Variants in RBM28 observed in about 807,000 individuals in gnomAD.
The protein encoded by RBM28 is RNA-binding protein 28.
RBM28 carries 78 observed loss-of-function variants against 98.3 expected under a neutral mutation model. The observed-to-expected ratio is 0.79, with a 90% CI of 0.66 to 0.96. RBM28 has a LOEUF of 0.96. RBM28 is among the 40% of genes least tolerant of loss of function. The probability of loss-of-function intolerance (pLI) is 0.00; values close to 1 mark genes in which losing one functional copy is unlikely to be tolerated. For synonymous variants in RBM28, 306 were observed against 330.9 expected (o/e 0.92, Z 0.82); for missense variants, 838 against 913.0 (o/e 0.92, Z 1.06).
intron 16 of RBM28, 149 bp from the exon 17 acceptor site, chr7:128,315,169 T>C: frequency 1.7e-6 from 2 of 1,193,164 alleles, no homozygotes; most frequent in African/African-American, 1.5e-5. Context: ...TGAATACATG[T>C]AGATCACAAG....
At position 128,336,047 on chromosome 7, in the gene RBM28, G is replaced by A. The variant is rs1446327537; in HGVS notation, c.614-5C>T. ...ATTCATGGCTCTTTTCCTCACCTAT[G>A]GAGGGAGGTAAAGAAAGGAGGAATT... On this transcript the variant is annotated splice_polypyrimidine_tract_variant and splice_region_variant and intron_variant, in intron 6 of 18. Coordinates refer to ENST00000223073, the MANE Select transcript of RBM28 (RefSeq NM_018077.3). 6.2e-7 allele frequency: 1 copy of A among 1,605,462 alleles called. No homozygotes were observed.
rs148177819 is a variant in RBM28 at position 128,342,314 on chromosome 7, G to A, written c.118+1362C>T. On this transcript the variant is annotated intron_variant, in intron 1 of 18. Coordinates refer to ENST00000223073, the MANE Select transcript of RBM28 (RefSeq NM_018077.3). The stretch of plus-strand genomic sequence containing the variant: ...TGTCCTATTCTCCAACAGTCTATTG[G>A]CAACACACCAGCCAGAGAGAGAATC... 3.5e-3 allele frequency among the ~76,000 whole-genome samples: 533 copies of A among 152,196 alleles called. 4 individuals are homozygous for A. Among genetic ancestry groups the A allele is most frequent in the African/African-American group, 9.3e-3 (384 of 41,510 alleles).
chr7:128,317,587 G>A lies in RBM28; in HGVS notation c.1788+72C>T, dbSNP rs911371952. On this transcript the variant is annotated intron_variant, in intron 16 of 18. Transcript: ENST00000223073. Reference sequence around the variant, plus strand: ...AACTGAGGGGAGAACTACTCTAAGAGAGCAGAAGCACAAATTGAACAAAAT... The same window carrying A: ...AACTGAGGGGAGAACTACTCTAAGAAAGCAGAAGCACAAATTGAACAAAAT... The A allele has an allele frequency of 6.7e-6, 8 of 1,199,486 alleles. No individual in the cohort carries two copies. In the African/African-American group the frequency reaches 1.1e-4, roughly 16 times the overall value. 74.3% of individuals were successfully genotyped at this position (1,199,486 alleles called of 1,614,324 possible). A position where few individuals can be genotyped will look rare whatever the true frequency, so the allele number is the denominator to read the frequency against.
chr7:128,299,394 A>T lies in RBM28; in HGVS notation c.*11403T>A, dbSNP rs563262970. ...TTGCTGTGTCAGAGTTTGATAAAGG[A>T]GGTGACTGGGGGTGTGGGCTCTGGA... On this transcript the variant is annotated 3_prime_UTR_variant, in exon 19 of 19. Transcript: ENST00000223073. The T allele has an allele frequency of 1.3e-4, 20 of 152,264 alleles. No homozygotes were observed. The highest frequency in any genetic ancestry group is 4.3e-4 in the African/African-American group (18 of 41,518). 9.4% of individuals were successfully genotyped at this position (152,264 alleles called of 1,614,324 possible). A position where few individuals can be genotyped will look rare whatever the true frequency, so the allele number is the denominator to read the frequency against.
intron 8 of RBM28, 50 bp from the exon 9 acceptor site, chr7:128,333,412 A>G (rs1435689998): frequency 1.4e-6 from 2 of 1,421,410 alleles, no homozygotes; most frequent in South Asian, 2.3e-5. Flanking sequence ...TGTAAGCCAC[A>G]TGACAAAGAG....
rs768990795 is a variant in RBM28 at position 128,333,289 on chromosome 7, C to T, written c.1019+1G>A. ...GCAATTCTGGAGGCAGAAAGACATA[C>T]CTGATAAAAACAGTTTTCCCTTCAT... is the stretch of plus-strand genomic sequence containing the variant. On this transcript the variant is annotated splice_donor_variant, in intron 9 of 18. Transcript: ENST00000223073. LOFTEE classifies it high-confidence loss of function. 3 of 1,585,476 alleles carry T rather than the reference C, an allele frequency of 1.9e-6. No individual in the cohort carries two copies. Among genetic ancestry groups the T allele is most frequent in the Non-Finnish European group, 2.6e-6 (3 of 1,153,984 alleles).
Position 128,324,675 on chromosome 7 carries a change from T to C in RBM28, c.1223A>G (p.Asp408Gly), listed in dbSNP as rs769715051. The C allele has an allele frequency of 6.2e-7, 1 of 1,614,142 alleles. No homozygotes were observed. Among genetic ancestry groups the C allele is most frequent in the Non-Finnish European group, 8.5e-7 (1 of 1,180,036 alleles). ...CAAGTCAACCTTGAGCTGCCGGCCATCCAGTTTAAGCCCACCAGCCTGTAA... is the reference window on the plus strand; with the variant it reads ...CAAGTCAACCTTGAGCTGCCGGCCACCCAGTTTAAGCCCACCAGCCTGTAA... ...PENEAGGLKL[D>G]GRQLKVDLAV... The change falls in exon 12 of 19, where the codon GAT becomes GGT. Residue 408 changes from aspartate to glycine, a missense_variant. Coordinates refer to ENST00000223073, the MANE Select transcript of RBM28 (RefSeq NM_018077.3).
At chr7:128,343,603 G>A (rs1384830911) in intron 1 of RBM28, 73 bp downstream of exon 1, 26 of 1,081,578 alleles carry the variant, frequency 2.4e-5, no homozygotes, top group Non-Finnish European at 3.4e-5. Context: ...GAATGATACG[G>A]CTCCCTGAAG....
chr7:128,313,390 G>T, intron 17 of RBM28, 116 bp from the exon 18 acceptor site: 1 of 1,016,388 alleles, frequency 9.8e-7, no homozygotes, highest in Non-Finnish European at 1.5e-6. Context: ...TTCTAAAAAG[G>T]GATACTGCAA....
chr7:128,312,980 A>T (rs1421139216), intron 18 of RBM28, 195 bp downstream of exon 18: 1 of 612,650 alleles, frequency 1.6e-6, no homozygotes, highest in Non-Finnish European at 2.9e-6. Context: ...GAAACACAGG[A>T]ACAGATACGT....
In RBM28 at chr7:128,310,023, T is replaced by C. The variant is rs1795946623; in HGVS notation, c.*774A>G. ...GTTTTTCAGTAGGTGTGAAGCCATC[T>C]TAAGGGGCAGACTTAATGAGGATCA... On this transcript the variant is annotated 3_prime_UTR_variant, in exon 19 of 19. Transcript: ENST00000223073. 1 of 152,234 alleles carries C rather than the reference T, an allele frequency of 6.6e-6. No individual in the cohort carries two copies. The highest frequency in any genetic ancestry group is 2.4e-5 in the African/African-American group (1 of 41,452). 9.4% of individuals were successfully genotyped at this position (152,234 alleles called of 1,614,324 possible).
intron 17 of RBM28, among the ~76,000 whole-genome samples, chr7:128,313,676 C>A (rs1219060637): frequency 6.6e-6 from 1 of 152,158 alleles, no homozygotes; most frequent in Non-Finnish European, 1.5e-5. Context: ...GAATTGTAAT[C>A]CCCAGTGTTG....
intron 13 of RBM28, among the ~76,000 whole-genome samples, chr7:128,323,001 A>G (rs912710380): frequency 4.6e-5 from 7 of 152,292 alleles, no homozygotes; most frequent in African/African-American, 1.4e-4. Flanking sequence ...TGGGAACATT[A>G]CCAAGCAGCA....
chr7:128,329,292 T>C (rs1039737255), intron 10 of RBM28, among the ~76,000 whole-genome samples: 1 of 151,872 alleles, frequency 6.6e-6, no homozygotes, highest in African/African-American at 2.4e-5. Flanking sequence ...AGAGATGGGG[T>C]TTCTCCATAT....
rs76320540 is a variant in RBM28, at chr7:128,310,296, C to T, written c.*501G>A. 0.012 allele frequency: 2,291 copies of T among 190,992 alleles called. 55 individuals carry two copies. Among genetic ancestry groups the T allele is most frequent in the African/African-American group, 0.051 (2,164 of 42,062 alleles). The allele number at this position is 190,992 out of a possible 1,614,324, so 11.8% of individuals were successfully genotyped here. On this transcript the variant is annotated 3_prime_UTR_variant, in exon 19 of 19. Transcript: ENST00000223073. ...GTTAGAAAGCATTTCTCTCTGCTCT[C>T]GCTTAGACAGTTCCTGCAGTGTGTA...
At position 128,297,756 on chromosome 7, in the gene RBM28, AC is replaced by A. The variant is rs1584622939; in HGVS notation, c.*13040del. The A allele has an allele frequency of 1.3e-5, 2 of 152,260 alleles. No homozygotes were observed. Among genetic ancestry groups the A allele is most frequent in the East Asian group, 3.9e-4 (2 of 5,184 alleles). The allele number at this position is 152,260 out of a possible 1,614,324, so 9.4% of individuals were successfully genotyped here. A position where few individuals can be genotyped will look rare whatever the true frequency, so the allele number is the denominator to read the frequency against. ...GACTTGGAACCAACCCAAATGTCCA[AC>A]AATGATAGACTGGATTAAGAAAATG... On this transcript the variant is annotated 3_prime_UTR_variant, in exon 19 of 19. Coordinates refer to ENST00000223073, the MANE Select transcript of RBM28 (RefSeq NM_018077.3).
intron 1 of RBM28, among the ~76,000 whole-genome samples, chr7:128,340,644 G>C (rs145505115): frequency 2.0e-5 from 3 of 152,172 alleles, no homozygotes; most frequent in South Asian, 2.1e-4. Flanking sequence ...CCTCAAAATA[G>C]ATCAGCAATA....
rs572648431 is a variant in RBM28, at chr7:128,327,141, AAAG to A, written c.1130-1253_1130-1251del. Among the ~76,000 whole-genome samples, 14 of 126,854 alleles carry A rather than the reference AAAG, an allele frequency of 1.1e-4. 1 individual carries two copies. In the South Asian group the frequency reaches 3.0e-3, roughly 27 times the overall value. The allele number at this position is 126,854 out of a possible 152,430, so 83.2% of individuals were successfully genotyped here. The stretch of plus-strand genomic sequence containing the variant: ...AGCGAGACCTTGTCTCAAAAAAAAG[AAAG>A]AAAAGAAAAGAAAAGAAATATCCAC... On this transcript the variant is annotated intron_variant, in intron 10 of 18. Coordinates refer to ENST00000223073, the MANE Select transcript of RBM28 (RefSeq NM_018077.3).
chr7:128,322,926 T>C (rs754047156), intron 13 of RBM28, among the ~76,000 whole-genome samples: 1 of 152,184 alleles, frequency 6.6e-6, no homozygotes, highest in African/African-American at 2.4e-5. Context: ...CAGTTATGCA[T>C]CTTTACCCTT....
Sources: allele counts gnomAD v4.1 joint callset (sites outside exome capture counted in the v4.1 genomes callset), GRCh38; gene constraint gnomAD v4.1.1; transcripts MANE v1.5; gene names NCBI Gene and HGNC (gene_info 2026-07-23, HGNC 2026-07-21).